The following NOXA1 variants were observed in gnomAD, a reference collection of about 807,000 sequenced individuals.
NOXA1 encodes the protein NADPH oxidase activator 1, also known as NCF2-like protein.
In NOXA1, 56 loss-of-function variants were observed where a neutral mutation model predicts 64.8. That is an observed-to-expected ratio of 0.86 (90% CI 0.70 to 1.08). The LOEUF (loss-of-function observed/expected upper bound fraction) is 1.08, where lower values mean the gene tolerates loss of function less well. Ranked by LOEUF, NOXA1 falls within the 50% of genes least tolerant of loss-of-function variation. The pLI, the probability that NOXA1 is intolerant of heterozygous loss-of-function variation, is 0.00. For synonymous variants in NOXA1, 295 were observed against 294.8 expected (o/e 1.00, Z -0.01); for missense variants, 668 against 658.5 (o/e 1.01, Z -0.16).
chr9:137,427,247 G>C (rs897491822), intron 2 of NOXA1, among the ~76,000 whole-genome samples: 1 of 152,114 alleles, frequency 6.6e-6, no homozygotes, highest in Non-Finnish European at 1.5e-5. Context: ...TGAGAACTAC[G>C]AGCAGATGAA....
At chr9:137,425,008 G>A (rs1009698781) in intron 1 of NOXA1, among the ~76,000 whole-genome samples, 1 of 152,238 alleles carries the variant, frequency 6.6e-6, no homozygotes. Flanking sequence ...AGAGGGTGTC[G>A]CTGGAACTGC....
At chr9:137,430,907 G>T in intron 6 of NOXA1, 64 bp downstream of exon 6, 1 of 1,546,066 alleles carries the variant, frequency 6.5e-7, no homozygotes, top group Non-Finnish European at 8.7e-7. Flanking sequence ...AGAAAATGCT[G>T]CACAAGCTCT....
chr9:137,432,655 A>T (rs1278088625), intron 8 of NOXA1, among the ~76,000 whole-genome samples: 2 of 152,232 alleles, frequency 1.3e-5, no homozygotes, highest in African/African-American at 4.8e-5. Context: ...CAGCTGGTGA[A>T]CTGGTCTCCT....
rs1455027925 is a variant in NOXA1, at chr9:137,423,661, G to T, written c.132G>T (p.Ala44=). The T allele has an allele frequency of 1.4e-6, 2 of 1,407,074 alleles. No homozygotes were observed. The highest frequency in any genetic ancestry group is 5.2e-5 in the Admixed American group (2 of 38,352). The allele number at this position is 1,407,074 out of a possible 1,614,324, so 87.2% of individuals were successfully genotyped here. A position where few individuals can be genotyped will look rare whatever the true frequency, so the allele number is the denominator to read the frequency against. Residue 44 remains alanine, a synonymous_variant, in exon 1 of 14, where the codon GCG becomes GCT. Coordinates refer to ENST00000683555, the MANE Select transcript of NOXA1 (RefSeq NM_001256067.2). ...PAPPARLCFN[A]GCVHLLAGDP... is the part of the protein sequence containing the mutation. Reference sequence around the variant, plus strand: ...CGCCCGCCAGGCTGTGCTTCAACGCGGGCTGCGTGCACCTGCTGGCCGGGG... The same window carrying T: ...CGCCCGCCAGGCTGTGCTTCAACGCTGGCTGCGTGCACCTGCTGGCCGGGG...
At chr9:137,430,936 G>T (rs915578660) in intron 6 of NOXA1, 93 bp downstream of exon 6, 3 of 1,555,112 alleles carry the variant, frequency 1.9e-6, no homozygotes, top group Non-Finnish European at 2.6e-6. Context: ...CTGGGGCTGC[G>T]AAGTTCCTCT....
intron 1 of NOXA1, among the ~76,000 whole-genome samples, chr9:137,424,224 C>A (rs1838734283): frequency 6.6e-6 from 1 of 152,200 alleles, no homozygotes; most frequent in Non-Finnish European, 1.5e-5. Flanking sequence ...CAGTCCCAAG[C>A]ACCCCGCAGA....
intron 2 of NOXA1, among the ~76,000 whole-genome samples, chr9:137,427,343 C>A (rs989366728): frequency 1.2e-4 from 18 of 152,314 alleles, no homozygotes; most frequent in Admixed American, 4.6e-4. Flanking sequence ...GGCTTTATAA[C>A]TGGTCATCAA....
At chr9:137,426,086 C>T (rs1489925840) in intron 1 of NOXA1, among the ~76,000 whole-genome samples, 162 bp from the exon 2 acceptor site, 1 of 152,140 alleles carries the variant, frequency 6.6e-6, no homozygotes, top group African/African-American at 2.4e-5. Context: ...CAGCCCTGCC[C>T]AGGCAGGGGC....
chr9:137,434,071 T>G lies in NOXA1; in HGVS notation c.1286T>G (p.Leu429Arg). The change falls in exon 13 of 14, where the codon CTG becomes CGG. Residue 429 changes from leucine (L) to arginine (R), a missense_variant. Leu to Arg is a moderately radical substitution (Grantham distance 102). Coordinates refer to ENST00000683555, the MANE Select transcript of NOXA1 (RefSeq NM_001256067.2). Reference protein sequence around the residue: ...GFRQGDTVDVLCEVDQAWLEG... With the variant: ...GFRQGDTVDVRCEVDQAWLEG... Reference sequence around the variant, plus strand: ...CGACAGGGGGACACGGTGGACGTCCTGTGTGAAGGTAGGGTGGGCATGGCC... The same window carrying G: ...CGACAGGGGGACACGGTGGACGTCCGGTGTGAAGGTAGGGTGGGCATGGCC... The G allele has an allele frequency of 6.3e-7, 1 of 1,582,230 alleles. No homozygotes were observed. The highest frequency in any genetic ancestry group is 8.6e-7 in the Non-Finnish European group (1 of 1,168,948).
In NOXA1 at chr9:137,428,953, G is replaced by T. The variant is rs1444022822; in HGVS notation, c.441G>T (p.Glu147Asp). ...LWTEAASSLREAMSKWPEGSL... is the reference protein window; with the variant it reads ...LWTEAASSLRDAMSKWPEGSL... ...CAGAGGCGGCCAGCAGCCTAAGGGAGGCCATGTCCAAGTGGCCGGAGGGGT... is the reference window on the plus strand; with the variant it reads ...CAGAGGCGGCCAGCAGCCTAAGGGATGCCATGTCCAAGTGGCCGGAGGGGT... Residue 147 changes from glutamate (E) to aspartate (D), a missense_variant, in exon 4 of 14, where the codon GAG becomes GAT. Coordinates refer to ENST00000683555, the MANE Select transcript of NOXA1 (RefSeq NM_001256067.2). 6.3e-7 allele frequency: 1 copy of T among 1,599,574 alleles called. No homozygotes were observed. The highest frequency in any genetic ancestry group is 1.3e-5 in the African/African-American group (1 of 74,652).
chr9:137,427,006 A>G (rs1046362498), intron 2 of NOXA1, among the ~76,000 whole-genome samples: 10 of 152,128 alleles, frequency 6.6e-5, no homozygotes, highest in African/African-American at 9.7e-5. Context: ...CATGTTGGCC[A>G]GGCTGGTCTC....
Position 137,431,389 on chromosome 9 carries a change from T to C in NOXA1, c.804+48T>C, listed in dbSNP as rs1489922088. The stretch of plus-strand genomic sequence containing the variant: ...CCCTGCTGGGGGTCGGTGCTTCTGC[T>C]GCCTCCGCAGACTGGGGACCACAAT... On this transcript the variant is annotated intron_variant, in intron 8 of 13. Coordinates refer to ENST00000683555, the MANE Select transcript of NOXA1 (RefSeq NM_001256067.2). The surrounding 1 kb of genome is among the most constrained non-coding windows in gnomAD (Gnocchi z 5.6). The C allele has an allele frequency of 2.7e-6, 4 of 1,467,306 alleles. No homozygotes were observed. The highest frequency in any genetic ancestry group is 1.1e-5 in the South Asian group (1 of 88,048). 90.9% of individuals were successfully genotyped at this position (1,467,306 alleles called of 1,614,324 possible).
At position 137,433,551 on chromosome 9, in the gene NOXA1, C is replaced by G. The variant is rs1308374215; in HGVS notation, c.1008C>G (p.Ser336Arg). ...CACGAAGAGGAGCCGACCTGTCCAG[C>G]CTGCGGGCACTGCTGGGCCAAGCCC... ...LRARRGADLS[S>R]LRALLGQALP... is the part of the protein sequence containing the mutation. Residue 336 changes from serine (S) to arginine (R), a missense_variant, in exon 11 of 14, where the codon AGC (serine) becomes AGG (arginine). Coordinates refer to ENST00000683555, the MANE Select transcript of NOXA1 (RefSeq NM_001256067.2). 1 of 1,576,008 alleles carries G rather than the reference C, an allele frequency of 6.3e-7. No homozygotes were observed. Among genetic ancestry groups the G allele is most frequent in the Non-Finnish European group, 8.6e-7 (1 of 1,163,528 alleles).
intron 3 of NOXA1, 122 bp from the exon 4 acceptor site, chr9:137,428,760 C>T: frequency 1.3e-6 from 1 of 745,964 alleles, no homozygotes. Flanking sequence ...GGGGGAGGGG[C>T]CAGGTGGGGG....
chr9:137,433,059 G>T lies in NOXA1; in HGVS notation c.835G>T (p.Ala279Ser). 1 of 1,612,810 alleles carries T rather than the reference G, an allele frequency of 6.2e-7. No individual in the cohort carries two copies. Among genetic ancestry groups the T allele is most frequent in the Non-Finnish European group, 8.5e-7 (1 of 1,179,904 alleles). Reference protein sequence around the residue: ...RPQVEQVGKQAPLSPGLPAMG... With the variant: ...RPQVEQVGKQSPLSPGLPAMG... Reference sequence around the variant, plus strand: ...CCAGGTGGAGCAAGTTGGCAAACAGGCTCCTCTCTCCCCAGGTATGGGCGT... The same window carrying T: ...CCAGGTGGAGCAAGTTGGCAAACAGTCTCCTCTCTCCCCAGGTATGGGCGT... The change falls in exon 9 of 14, where the codon GCT becomes TCT. Residue 279 changes from alanine to serine, a missense_variant. Ala to Ser is a moderately conservative substitution (Grantham distance 99). Transcript: ENST00000683555.
chr9:137,434,341 A>G lies in NOXA1; in HGVS notation c.1412A>G (p.Gln471Arg), dbSNP rs138695705. The change falls in exon 14 of 14, where the codon CAG (glutamine) becomes CGG (arginine). Residue 471 changes from glutamine to arginine, a missense_variant. Physicochemically the swap from Gln to Arg is conservative, Grantham distance 43. Coordinates refer to ENST00000683555, the MANE Select transcript of NOXA1 (RefSeq NM_001256067.2). ...GCCCCCGGCCGCCTGCCCCGATCCC[A>G]GCAGGGAGATCAGCCCTAATGATGC... is the stretch of plus-strand genomic sequence containing the variant. ...SGAPGRLPRS[Q>R]QGDQP 1.2e-3 allele frequency: 1,854 copies of G among 1,602,504 alleles called. 1 individual carries two copies. Among genetic ancestry groups the G allele is most frequent in the Non-Finnish European group, 1.4e-3 (1,642 of 1,175,610 alleles).
intron 10 of NOXA1, 33 bp from the exon 11 acceptor site, chr9:137,433,420 G>A: frequency 1.9e-6 from 3 of 1,573,878 alleles, no homozygotes; most frequent in Non-Finnish European, 2.6e-6. Flanking sequence ...CTGGGCCTCA[G>A]CGACCACCCC....
At chr9:137,424,581 A>G (rs1351345025) in intron 1 of NOXA1, among the ~76,000 whole-genome samples, 3 of 152,106 alleles carry the variant, frequency 2.0e-5, no homozygotes, top group African/African-American at 7.2e-5. Flanking sequence ...CTGGGAGTAC[A>G]GGCGCCCACT....
chr9:137,429,296 A>G lies in NOXA1; in HGVS notation c.525A>G (p.Pro175=), dbSNP rs528556566. The stretch of plus-strand genomic sequence containing the variant: ...TCCAGAGACGGGGCTCACTGCCGCC[A>G]CGGCAGGTCCCCAGGGGCGAGGTCT... ...DQVQRRGSLP[P]RQVPRGEVFR... The change falls in exon 5 of 14, where the codon CCA becomes CCG. Residue 175 remains proline, a synonymous_variant. Transcript: ENST00000683555. 14 of 1,569,290 alleles carry G rather than the reference A, an allele frequency of 8.9e-6. No homozygotes were observed. The East Asian group carries it at 2.6e-4, about 29-fold the overall frequency.
Sources: gnomAD v4.1 joint callset for allele counts (sites outside exome capture counted in the v4.1 genomes callset) on GRCh38, gnomAD v4.1.1 for gene constraint, Gnocchi (gnomAD v3.1) non-coding constraint, MANE v1.5 for transcripts, NCBI Gene and HGNC (gene_info 2026-07-23, HGNC 2026-07-21) for gene names.